The following MECOM variants were observed in gnomAD, a reference collection of about 807,000 sequenced individuals.
MECOM encodes the protein histone-lysine N-methyltransferase MECOM.
Under a neutral mutation model 116.3 loss-of-function variants are expected in MECOM, and 13 were observed. That is an observed-to-expected ratio of 0.11 (90% CI 0.07 to 0.18). The LOEUF is 0.18. MECOM is among the 10% of genes least tolerant of loss of function. The pLI, the probability that MECOM is intolerant of heterozygous loss-of-function variation, is 1.00. For synonymous variants in MECOM, 528 were observed against 535.2 expected (o/e 0.99, Z 0.19); for missense variants, 1,299 against 1,509.0 (o/e 0.86, Z 2.31).
At chr3:169,216,601 T>C (rs1044396522) in intron 2 of MECOM, among the ~76,000 whole-genome samples, 1 of 151,042 alleles carries the variant, frequency 6.6e-6, no homozygotes, top group African/African-American at 2.4e-5. Context: ...AAGTACACTA[T>C]AGGTTAAAAA....
intron 1 of MECOM, among the ~76,000 whole-genome samples, chr3:169,498,847 G>A (rs1468313834): frequency 6.6e-6 from 1 of 152,100 alleles, no homozygotes; most frequent in Non-Finnish European, 1.5e-5. Flanking sequence ...AAGAGGAAAA[G>A]GAGCATTAGC....
chr3:169,606,166 C>G (rs1396705000), intron 1 of MECOM, among the ~76,000 whole-genome samples: 1 of 152,162 alleles, frequency 6.6e-6, no homozygotes, highest in Non-Finnish European at 1.5e-5. Flanking sequence ...AATCCCAACA[C>G]TTTGGGAGGC....
At chr3:169,099,856 TTGTC>T (rs1320057625) in intron 12 of MECOM, among the ~76,000 whole-genome samples, 1 of 152,098 alleles carries the variant, frequency 6.6e-6, no homozygotes, top group Non-Finnish European at 1.5e-5. Context: ...AAGAGTAATG[TTGTC>T]TATTTTCAAT....
chr3:169,308,135 C>T (rs150375616), intron 2 of MECOM, among the ~76,000 whole-genome samples: 23 of 152,204 alleles, frequency 1.5e-4, no homozygotes, highest in East Asian at 1.9e-4. Flanking sequence ...TGTAATTATA[C>T]GTAAATGTGT....
In MECOM at chr3:169,381,474, G is replaced by T. The variant is rs1732375934; in HGVS notation, c.88C>A (p.Pro30Thr). ...GTGCTGGCTACTCCATCTGCATCTG[G>T]CATTTCTTCCAAAGGTATTTCAGGG... Reference protein sequence around the residue: ...NYPEIPLEEMPDADGVASTPS... With the variant: ...NYPEIPLEEMTDADGVASTPS... The change falls in exon 2 of 17, where the codon CCA becomes ACA. Residue 30 changes from proline to threonine, a missense_variant. Pro to Thr is a conservative substitution (Grantham distance 38, BLOSUM62 -1). Transcript: ENST00000651503. 10 of 1,613,214 alleles carry T rather than the reference G, an allele frequency of 6.2e-6. No individual in the cohort carries two copies. Among genetic ancestry groups the T allele is most frequent in the Middle Eastern group, 1.7e-4 (1 of 6,052 alleles).
intron 1 of MECOM, among the ~76,000 whole-genome samples, chr3:169,510,935 T>G (rs185050473): frequency 5.6e-4 from 86 of 152,262 alleles, no homozygotes; most frequent in African/African-American, 2.0e-3. Flanking sequence ...TCATCACCCT[T>G]TGCCACTGAA....
intron 1 of MECOM, among the ~76,000 whole-genome samples, chr3:169,621,851 A>G (rs1487562163): frequency 1.3e-5 from 2 of 152,188 alleles, no homozygotes; most frequent in African/African-American, 2.4e-5. Flanking sequence ...GAACATCTGT[A>G]GTGCTAGCTC....
intron 2 of MECOM, among the ~76,000 whole-genome samples, chr3:169,235,693 T>C (rs1285655388): frequency 6.6e-6 from 1 of 152,136 alleles, no homozygotes; most frequent in Non-Finnish European, 1.5e-5. Flanking sequence ...GTTTCTCTGT[T>C]ACTAGGGCAG....
intron 1 of MECOM, among the ~76,000 whole-genome samples, chr3:169,637,882 G>C (rs1773007499): frequency 6.6e-6 from 1 of 152,144 alleles, no homozygotes; most frequent in Non-Finnish European, 1.5e-5. Context: ...TATGCAACTG[G>C]GGTCAAAGGA....
At chr3:169,470,258 G>T (rs573619844) in intron 1 of MECOM, 1 of 152,194 alleles carries the variant, frequency 6.6e-6, no homozygotes, top group African/African-American at 2.4e-5. Context: ...CATAAGAAAA[G>T]GCCAGGGGAA....
chr3:169,382,849 CAA>C (rs1157852145), intron 1 of MECOM, among the ~76,000 whole-genome samples: 13 of 47,152 alleles, frequency 2.8e-4, no homozygotes, highest in African/African-American at 9.8e-4. Flanking sequence ...AAGCCCATCT[CAA>C]AAAAAAAAAA....
At chr3:169,389,143 T>A (rs1393511556) in intron 1 of MECOM, among the ~76,000 whole-genome samples, 3 of 152,222 alleles carry the variant, frequency 2.0e-5, no homozygotes, top group African/African-American at 7.2e-5. Context: ...TAAATAAATA[T>A]GATTTGGGAA....
chr3:169,317,129 C>T (rs1239865382), intron 2 of MECOM, among the ~76,000 whole-genome samples: 1 of 152,122 alleles, frequency 6.6e-6, no homozygotes, highest in Non-Finnish European at 1.5e-5. Context: ...ATAAGGGTTT[C>T]AGTGGTATCA....
intron 14 of MECOM, 84 bp downstream of exon 14, chr3:169,092,874 C>G (rs756790081): frequency 4.6e-6 from 7 of 1,524,868 alleles, no homozygotes; most frequent in Admixed American, 3.4e-5. Context: ...AATAGTAGTG[C>G]CACAAAAGTG....
At chr3:169,496,979 C>T (rs1263238232) in intron 1 of MECOM, among the ~76,000 whole-genome samples, 2 of 152,194 alleles carry the variant, frequency 1.3e-5, no homozygotes, top group African/African-American at 2.4e-5. Context: ...GCCTTCTATC[C>T]ATTCAAACTA....
rs1366104709 is a variant in MECOM at position 169,467,208 on chromosome 3, A to G, written c.38-85684T>C. 2.0e-5 allele frequency: 3 copies of G among 152,184 alleles called. No homozygotes were observed. The East Asian group carries it at 5.8e-4, about 29-fold the overall frequency. The allele number at this position is 152,184 out of a possible 1,614,324, so 9.4% of individuals were successfully genotyped here. On this transcript the variant is annotated intron_variant, in intron 1 of 16. Coordinates refer to ENST00000651503, the MANE Select transcript of MECOM (RefSeq NM_004991.4). ...ATTATTGAAATAACCATCAAATAAA[A>G]TCTTTAAGCCTGGTTGAATTTTCAA...
chr3:169,561,719 G>A (rs1343037), intron 1 of MECOM, among the ~76,000 whole-genome samples: 47,955 of 151,976 alleles, frequency 0.32, 8,704 homozygotes, highest in East Asian at 0.71. Context: ...ACACAGGCAC[G>A]CACACTTAAT....
intron 2 of MECOM, among the ~76,000 whole-genome samples, chr3:169,349,494 T>G (rs1725940676): frequency 6.6e-6 from 1 of 151,910 alleles, no homozygotes; most frequent in Admixed American, 6.6e-5. Flanking sequence ...GTTCACATGT[T>G]TAATTTTCAC....
At chr3:169,433,632 A>G in intron 1 of MECOM, among the ~76,000 whole-genome samples, 1 of 132,118 alleles carries the variant, frequency 7.6e-6, no homozygotes, top group African/African-American at 2.8e-5. Context: ...AAAGAAAGAA[A>G]GAGAAAGAGA....
Sources: allele counts gnomAD v4.1 joint callset (sites outside exome capture counted in the v4.1 genomes callset), GRCh38; gene constraint gnomAD v4.1.1; transcripts MANE v1.5; gene names NCBI Gene and HGNC (gene_info 2026-07-23, HGNC 2026-07-21).